Variants in GALNT18 observed in about 807,000 individuals in gnomAD.
GALNT18 encodes polypeptide N-acetylgalactosaminyltransferase 18.
GALNT18 carries 44 observed loss-of-function variants against 69.5 expected under a neutral mutation model. The observed-to-expected ratio is 0.63, with a 90% CI of 0.50 to 0.81. The LOEUF is 0.81. Among genes scored for constraint, GALNT18 ranks in the 40% least tolerant of loss-of-function variants. The pLI is 0.00. For missense variants in GALNT18, 715 were observed against 810.0 expected (o/e 0.88, Z 1.42); for synonymous variants, 364 against 318.2 (o/e 1.14, Z -1.53).
rs138246022 is a variant in GALNT18, at chr11:11,582,582, A to G, written c.235+38777T>C. ...TCCTCTGCCACAAGATGGAAACAAT[A>G]GCTGCTCCCTCAGCCCAGTTCCTGG... is the stretch of plus-strand genomic sequence containing the variant. On this transcript the variant is annotated intron_variant, in intron 1 of 10. Transcript: ENST00000227756. The surrounding 1 kb of genome is among the most constrained non-coding windows in gnomAD (Gnocchi z 5.0). Among the ~76,000 whole-genome samples, 5 of 152,370 alleles carry G rather than the reference A, an allele frequency of 3.3e-5. No individual in the cohort carries two copies. Among genetic ancestry groups the G allele is most frequent in the East Asian group, 3.9e-4 (2 of 5,188 alleles).
At chr11:11,477,560 A>G (rs1358016504) in intron 1 of GALNT18, among the ~76,000 whole-genome samples, 1 of 152,230 alleles carries the variant, frequency 6.6e-6, no homozygotes, top group African/African-American at 2.4e-5. Context: ...CACAGCTGGC[A>G]AATAGGGAGG....
At chr11:11,273,080 C>T (rs2132971594) in intron 10 of GALNT18, among the ~76,000 whole-genome samples, 1 of 152,254 alleles carries the variant, frequency 6.6e-6, no homozygotes, top group South Asian at 2.1e-4. Context: ...TACAAAACTC[C>T]TAGAAGAAAA....
Position 11,454,018 on chromosome 11 carries a change from G to A in GALNT18, c.236-5082C>T, listed in dbSNP as rs567407543. Among the ~76,000 whole-genome samples, 2 of 152,286 alleles carry A rather than the reference G, an allele frequency of 1.3e-5. No homozygotes were observed. Among genetic ancestry groups the A allele is most frequent in the South Asian group, 2.1e-4 (1 of 4,826 alleles). ...CCTCAGACTCAGAACAGCATCTGGC[G>A]CCTAGTAGGTGCTTAACCAATACCA... On this transcript the variant is annotated intron_variant, in intron 1 of 10. Transcript: ENST00000227756. This position sits in a 1 kb window ranked among gnomAD's most constrained non-coding sequence, Gnocchi z 4.2.
In GALNT18 at chr11:11,621,763, A is replaced by T; in HGVS notation, c.-170T>A. On this transcript the variant is annotated 5_prime_UTR_variant, in exon 1 of 11. In the 5' UTR this introduces an upstream ATG that the reference lacks. Transcript: ENST00000227756. The surrounding 1 kb of genome is among the most constrained non-coding windows in gnomAD (Gnocchi z 9.3). ...GCTGCCGGTGTAGCCGCCGTGCCCA[A>T]GTTTGCAGCTCCTGCCGCTGGCCAC... 2 of 603,884 alleles carry T rather than the reference A, an allele frequency of 3.3e-6. No individual in the cohort carries two copies. The highest frequency in any genetic ancestry group is 5.9e-6 in the Non-Finnish European group (2 of 341,124). The allele number at this position is 603,884 out of a possible 1,614,324, so 37.4% of individuals were successfully genotyped here. A position where few individuals can be genotyped will look rare whatever the true frequency, so the allele number is the denominator to read the frequency against.
rs1164665667 is a variant in GALNT18 at position 11,358,616 on chromosome 11, A to G, written c.1092+13899T>C. On this transcript the variant is annotated intron_variant, in intron 6 of 10. Coordinates refer to ENST00000227756, the MANE Select transcript of GALNT18 (RefSeq NM_198516.3). ...TTGGGAAAATTCCCTTTGGAAGCACAAAGGCCTGCAAGCTTGAAATCTGTT... is the reference window on the plus strand; with the variant it reads ...TTGGGAAAATTCCCTTTGGAAGCACGAAGGCCTGCAAGCTTGAAATCTGTT... Among the ~76,000 whole-genome samples, 8 of 140,294 alleles carry G rather than the reference A, an allele frequency of 5.7e-5. 1 individual carries two copies. Among genetic ancestry groups the G allele is most frequent in the African/African-American group, 2.1e-4 (8 of 37,884 alleles). The allele number at this position is 140,294 out of a possible 152,430, so 92.0% of individuals were successfully genotyped here. A position where few individuals can be genotyped will look rare whatever the true frequency, so the allele number is the denominator to read the frequency against.
chr11:11,408,039 C>T (rs909876783), intron 3 of GALNT18, among the ~76,000 whole-genome samples: 3 of 152,182 alleles, frequency 2.0e-5, no homozygotes, highest in African/African-American at 7.2e-5. Context: ...AGAAATTATA[C>T]AAAACAGTAA....
chr11:11,285,822 G>A (rs1439577565), intron 10 of GALNT18, among the ~76,000 whole-genome samples: 1 of 152,120 alleles, frequency 6.6e-6, no homozygotes, highest in Non-Finnish European at 1.5e-5. Context: ...GTGTTCCCTG[G>A]GAAATGTGCT....
chr11:11,582,128 G>T lies in GALNT18; in HGVS notation c.235+39231C>A, dbSNP rs1332631515. Among the ~76,000 whole-genome samples the T allele has an allele frequency of 6.6e-6, 1 of 152,090 alleles. No individual in the cohort carries two copies. On this transcript the variant is annotated intron_variant, in intron 1 of 10. Coordinates refer to ENST00000227756, the MANE Select transcript of GALNT18 (RefSeq NM_198516.3). This position sits in a 1 kb window ranked among gnomAD's most constrained non-coding sequence, Gnocchi z 5.0. Reference sequence around the variant, plus strand: ...CTAGGGAAAGCCTCCCTGGAGAGGTGACATATGGGGAAGAGGGCTGAACAA... The same window carrying T: ...CTAGGGAAAGCCTCCCTGGAGAGGTTACATATGGGGAAGAGGGCTGAACAA...
chr11:11,388,266 A>C (rs369894804), intron 3 of GALNT18, among the ~76,000 whole-genome samples: 1 of 152,210 alleles, frequency 6.6e-6, no homozygotes, highest in East Asian at 1.9e-4. Context: ...CCCCATACTT[A>C]GCGGGGTCGC....
chr11:11,505,720 C>T lies in GALNT18; in HGVS notation c.236-56784G>A, dbSNP rs145400469. On this transcript the variant is annotated intron_variant, in intron 1 of 10. Transcript: ENST00000227756. This position sits in a 1 kb window ranked among gnomAD's most constrained non-coding sequence, Gnocchi z 4.6. Reference sequence around the variant, plus strand: ...TACCACACTCGCTTCCTCCTGCAAACTCTTGCTGCTTCCTCCCTGAATCCA... The same window carrying T: ...TACCACACTCGCTTCCTCCTGCAAATTCTTGCTGCTTCCTCCCTGAATCCA... Among the ~76,000 whole-genome samples, 55 of 152,326 alleles carry T rather than the reference C, an allele frequency of 3.6e-4. No individual in the cohort carries two copies. Among genetic ancestry groups the T allele is most frequent in the African/African-American group, 1.3e-3 (54 of 41,564 alleles).
chr11:11,271,271 C>A lies in GALNT18; in HGVS notation c.1697G>T (p.Arg566Leu), dbSNP rs779544652. The change falls in exon 11 of 11, where the codon CGC (arginine) becomes CTC (leucine). Residue 566 changes from arginine to leucine, a missense_variant. Transcript: ENST00000227756. ...CAGCTCCAGACAGCGCTTAGACTTG[C>A]GGTTCTGGATGGGTCCTCCCTAGGG... ...QFSQGGPIQNRKSKRCLELQE... is the reference protein window; with the variant it reads ...QFSQGGPIQNLKSKRCLELQE... 5.2e-5 allele frequency: 84 copies of A among 1,613,922 alleles called. No individual in the cohort carries two copies. Among genetic ancestry groups the A allele is most frequent in the Non-Finnish European group, 6.7e-5 (79 of 1,179,964 alleles).
At chr11:11,278,206 A>G (rs937769635) in intron 10 of GALNT18, among the ~76,000 whole-genome samples, 1 of 151,082 alleles carries the variant, frequency 6.6e-6, no homozygotes, top group African/African-American at 2.4e-5. Context: ...CAACACCATA[A>G]TGGTGGGAGA....
rs1302712589 is a variant in GALNT18, at chr11:11,603,940, G to A, written c.235+17419C>T. 6.6e-6 allele frequency among the ~76,000 whole-genome samples: 1 copy of A among 152,172 alleles called. No individual in the cohort carries two copies. Among genetic ancestry groups the A allele is most frequent in the Non-Finnish European group, 1.5e-5 (1 of 68,034 alleles). On this transcript the variant is annotated intron_variant, in intron 1 of 10. Coordinates refer to ENST00000227756, the MANE Select transcript of GALNT18 (RefSeq NM_198516.3). This position sits in a 1 kb window ranked among gnomAD's most constrained non-coding sequence, Gnocchi z 4.5. ...TAAGTTGATGGAATTAGGAGGTAGG[G>A]CCTTTGGGAGGTGATAAGGCCATGA...
intron 3 of GALNT18, among the ~76,000 whole-genome samples, chr11:11,403,502 A>C (rs555105338): frequency 6.6e-6 from 1 of 152,254 alleles, no homozygotes; most frequent in East Asian, 1.9e-4. Flanking sequence ...GAAACTGAAT[A>C]CTGTACTTCT....
chr11:11,331,040 CAT>C (rs1195583698), intron 8 of GALNT18, among the ~76,000 whole-genome samples: 1 of 152,212 alleles, frequency 6.6e-6, no homozygotes, highest in Non-Finnish European at 1.5e-5. Flanking sequence ...GGCCAAGCAG[CAT>C]ACATAGCTTG....
At chr11:11,397,872 A>C (rs1854371468) in intron 3 of GALNT18, among the ~76,000 whole-genome samples, 1 of 152,248 alleles carries the variant, frequency 6.6e-6, no homozygotes, top group African/African-American at 2.4e-5. Flanking sequence ...AAGATGAGCA[A>C]GAAGGGGCCG....
At chr11:11,516,197 C>T (rs1469815643) in intron 1 of GALNT18, among the ~76,000 whole-genome samples, 1 of 152,112 alleles carries the variant, frequency 6.6e-6, no homozygotes, top group Non-Finnish European at 1.5e-5. Context: ...GCACAGTCAA[C>T]CTATACAATG....
At chr11:11,353,019 C>A (rs911046789) in intron 6 of GALNT18, 32 of 1,614,068 alleles carry the variant, frequency 2.0e-5, no homozygotes, top group Non-Finnish European at 2.7e-5. Context: ...ATCTTGATTT[C>A]CCCATTCCAC....
chr11:11,519,724 C>T (rs1188533615), intron 1 of GALNT18, among the ~76,000 whole-genome samples: 1 of 152,230 alleles, frequency 6.6e-6, no homozygotes, highest in East Asian at 1.9e-4. Context: ...GTCTCAGCCC[C>T]ATCTCGCCCT....
Sources: gnomAD v4.1 joint callset for allele counts (sites outside exome capture counted in the v4.1 genomes callset) on GRCh38, gnomAD v4.1.1 for gene constraint, Gnocchi (gnomAD v3.1) non-coding constraint, MANE v1.5 for transcripts, NCBI Gene and HGNC (gene_info 2026-07-23, HGNC 2026-07-21) for gene names.